The following ABCB5 variants were observed in gnomAD, a reference collection of about 807,000 sequenced individuals.
ABCB5 encodes the protein ATP binding cassette subfamily B member 5, also known as ATP-binding cassette sub-family B member 5.
In ABCB5, 155 loss-of-function variants were observed where a neutral mutation model predicts 144.2. The observed-to-expected ratio is 1.08, with a 90% confidence interval of 0.94 to 1.23. The LOEUF is 1.23. Ranked by LOEUF, ABCB5 falls within the 50% of genes most tolerant of loss-of-function variation. The pLI, the probability that ABCB5 is intolerant of heterozygous loss-of-function variation, is 0.00. For missense variants in ABCB5, 1,830 were observed against 1,520.8 expected (o/e 1.20, Z -3.38); for synonymous variants, 610 against 528.6 (o/e 1.15, Z -2.11).
At chr7:20,654,597 T>A (rs1016140627) in intron 13 of ABCB5, among the ~76,000 whole-genome samples, 1 of 152,098 alleles carries the variant, frequency 6.6e-6, no homozygotes, top group Non-Finnish European at 1.5e-5. Flanking sequence ...TTCTGGGCCA[T>A]CAAAACAAAC....
chr7:20,617,775 T>C (rs989463006), intron 1 of ABCB5, among the ~76,000 whole-genome samples: 1 of 152,162 alleles, frequency 6.6e-6, no homozygotes, highest in Non-Finnish European at 1.5e-5. Flanking sequence ...TAAAAAGAGA[T>C]AATCCTGCAA....
At chr7:20,748,428 T>C (rs1782798503) in intron 26 of ABCB5, among the ~76,000 whole-genome samples, 1 of 130,660 alleles carries the variant, frequency 7.7e-6, no homozygotes, top group Non-Finnish European at 1.7e-5. Flanking sequence ...GGAGGGTGGA[T>C]TACCTATGGT....
At chr7:20,626,015 A>C (rs1165001980) in intron 2 of ABCB5, among the ~76,000 whole-genome samples, 6 of 152,228 alleles carry the variant, frequency 3.9e-5, no homozygotes, top group Admixed American at 3.9e-4. Context: ...ATGCTAAGTG[A>C]ATAATTCAAG....
chr7:20,739,997 C>T (rs1404179406), intron 24 of ABCB5, among the ~76,000 whole-genome samples: 1 of 152,016 alleles, frequency 6.6e-6, no homozygotes, highest in Non-Finnish European at 1.5e-5. Flanking sequence ...TTTGGGAGGC[C>T]GAGGTGGGTG....
At position 20,743,469 on chromosome 7, in the gene ABCB5, C is replaced by T. The variant is rs531051577; in HGVS notation, c.3222+395C>T. On this transcript the variant is annotated intron_variant, in intron 25 of 27. Coordinates refer to ENST00000404938, the MANE Select transcript of ABCB5 (RefSeq NM_001163941.2). ...AGGCTTCTGCTTTCCCACCACTCATCCCCACCTCCCAACTGTCAAAACTTT... is the reference window on the plus strand; with the variant it reads ...AGGCTTCTGCTTTCCCACCACTCATTCCCACCTCCCAACTGTCAAAACTTT... Among the ~76,000 whole-genome samples the T allele has an allele frequency of 5.3e-5, 8 of 152,272 alleles. No homozygotes were observed. In the South Asian group the frequency reaches 1.7e-3, roughly 32 times the overall value.
intron 20 of ABCB5, among the ~76,000 whole-genome samples, chr7:20,714,065 G>T (rs1781587654): frequency 6.6e-6 from 1 of 152,194 alleles, no homozygotes; most frequent in Non-Finnish European, 1.5e-5. Context: ...TCTGCCCGTG[G>T]TTGCCTTATG....
chr7:20,705,272 A>G (rs1786783252), intron 20 of ABCB5, among the ~76,000 whole-genome samples: 1 of 152,216 alleles, frequency 6.6e-6, no homozygotes, highest in African/African-American at 2.4e-5. Context: ...TACAAGTTAA[A>G]AAGAATTGTG....
intron 2 of ABCB5, among the ~76,000 whole-genome samples, chr7:20,623,754 G>A (rs1226464987): frequency 6.6e-6 from 1 of 152,112 alleles, no homozygotes; most frequent in Admixed American, 6.5e-5. Flanking sequence ...CTGTGAATAT[G>A]TATGTTATAC....
chr7:20,651,361 A>G (rs79943066), intron 12 of ABCB5, 59 bp from the exon 13 acceptor site: 186,786 of 1,561,290 alleles, frequency 0.12, 12,317 homozygotes, highest in Non-Finnish European at 0.13. Context: ...TAGTATGAAA[A>G]ACCCTAAAAT....
Position 20,647,559 on chromosome 7 carries a change from A to G in ABCB5, c.1006A>G (p.Ser336Gly). ...GGTTTTCTTTAGTGTAATCCATAGC[A>G]GTTATTGCATTGGAGCAGCAGTCCC... Reference protein sequence around the residue: ...LAVFFSVIHSSYCIGAAVPHF... With the variant: ...LAVFFSVIHSGYCIGAAVPHF... The change falls in exon 10 of 28, where the codon AGT becomes GGT. Residue 336 changes from serine to glycine, a missense_variant. Ser to Gly is a moderately conservative substitution (Grantham distance 56). Coordinates refer to ENST00000404938, the MANE Select transcript of ABCB5 (RefSeq NM_001163941.2). 6.3e-7 allele frequency: 1 copy of G among 1,584,750 alleles called. No individual in the cohort carries two copies.
At chr7:20,720,868 C>T (rs1345185178) in intron 20 of ABCB5, among the ~76,000 whole-genome samples, 7 of 135,982 alleles carry the variant, frequency 5.1e-5, no homozygotes, top group African/African-American at 1.1e-4. Context: ...GGCGTGAACC[C>T]GGGAGGCGGA....
intron 16 of ABCB5, among the ~76,000 whole-genome samples, chr7:20,693,828 A>G (rs556025259): frequency 6.6e-6 from 1 of 151,510 alleles, no homozygotes; most frequent in Non-Finnish European, 1.5e-5. Context: ...ATCACTACAG[A>G]TTCTACATAT....
intron 14 of ABCB5, chr7:20,667,518 GCTCT>G: frequency 2.0e-6 from 2 of 979,366 alleles, no homozygotes; most frequent in Non-Finnish European, 2.4e-6. Flanking sequence ...ACGTGTTAAT[GCTCT>G]CTTTTATATT....
Position 20,643,651 on chromosome 7 carries a change from G to A in ABCB5, c.678+19G>A, listed in dbSNP as rs1171567210. ...TTCTAGGGTAAGTGAGATGGCTAAT[G>A]CAATATTGAATGGAAGCAGCAGTGT... On this transcript the variant is annotated intron_variant, in intron 7 of 27. Coordinates refer to ENST00000404938, the MANE Select transcript of ABCB5 (RefSeq NM_001163941.2). 2 of 1,612,464 alleles carry A rather than the reference G, an allele frequency of 1.2e-6. No individual in the cohort carries two copies. The highest frequency in any genetic ancestry group is 1.1e-5 in the South Asian group (1 of 91,028).
chr7:20,666,818 T>C, intron 14 of ABCB5: 1 of 1,573,116 alleles, frequency 6.4e-7, no homozygotes, highest in Non-Finnish European at 8.6e-7. Context: ...TTGAGGTATC[T>C]GGAACCACAG....
intron 14 of ABCB5, among the ~76,000 whole-genome samples, chr7:20,670,600 C>T (rs759234457): frequency 2.0e-5 from 3 of 152,148 alleles, no homozygotes; most frequent in Non-Finnish European, 2.9e-5. Flanking sequence ...AAAGTAAATG[C>T]GAGACTGAGA....
At chr7:20,731,775 T>A (rs73687887) in intron 23 of ABCB5, among the ~76,000 whole-genome samples, 5 of 152,136 alleles carry the variant, frequency 3.3e-5, no homozygotes, top group African/African-American at 1.2e-4. Context: ...CTTGCCATTG[T>A]CCACCACATA....
At chr7:20,617,859 T>C (rs1783721264) in intron 1 of ABCB5, among the ~76,000 whole-genome samples, 3 of 152,112 alleles carry the variant, frequency 2.0e-5, no homozygotes, top group South Asian at 2.1e-4. Flanking sequence ...AAACCTTTTA[T>C]AAGAGACAAC....
At chr7:20,626,789 A>G (rs559600093) in intron 3 of ABCB5, among the ~76,000 whole-genome samples, 178 bp downstream of exon 3, 2 of 152,106 alleles carry the variant, frequency 1.3e-5, no homozygotes, top group Non-Finnish European at 2.9e-5. Context: ...AAATTTTACA[A>G]TAAAGGATAG....
Sources: gnomAD v4.1 joint callset for allele counts (sites outside exome capture counted in the v4.1 genomes callset) on GRCh38, gnomAD v4.1.1 for gene constraint, MANE v1.5 for transcripts, NCBI Gene and HGNC (gene_info 2026-07-23, HGNC 2026-07-21) for gene names.